GRIN2B: variants seen among roughly 807,000 people sequenced by gnomAD.
The protein encoded by GRIN2B is glutamate receptor ionotropic, NMDA 2B.
Under a neutral mutation model 114.5 loss-of-function variants are expected in GRIN2B, and 5 were observed. The ratio of observed to expected loss-of-function variants is 0.04; its 90% CI spans 0.02 to 0.09. GRIN2B has a LOEUF of 0.09. Among genes scored for constraint, GRIN2B ranks in the 10% least tolerant of loss-of-function variants. The pLI, the probability that GRIN2B is intolerant of heterozygous loss-of-function variation, is 1.00. For synonymous variants in GRIN2B, 787 were observed against 745.1 expected, an observed-to-expected ratio of 1.06 and a Z score of -0.92; for missense variants, 1,108 against 1,943.5, an observed-to-expected ratio of 0.57 and a Z score of 8.08.
chr12:13,809,857 AT>A (rs1262962510), intron 3 of GRIN2B, among the ~76,000 whole-genome samples: 2 of 152,060 alleles, frequency 1.3e-5, no homozygotes, highest in Non-Finnish European at 2.9e-5. Flanking sequence ...AAGTTCTCCA[AT>A]TTTTTTCTAC....
At chr12:13,913,873 G>C (rs1390252566) in intron 2 of GRIN2B, among the ~76,000 whole-genome samples, 1 of 152,128 alleles carries the variant, frequency 6.6e-6, no homozygotes, top group East Asian at 1.9e-4. Flanking sequence ...CTATAAAATA[G>C]ACGTAACAGT....
intron 5 of GRIN2B, among the ~76,000 whole-genome samples, chr12:13,662,050 A>T (rs972817013): frequency 5.3e-5 from 8 of 152,172 alleles, no homozygotes; most frequent in Admixed American, 5.2e-4. Flanking sequence ...AAGCCAAAAG[A>T]TGCCATGCTC....
At chr12:13,695,360 A>G (rs182828214) in intron 4 of GRIN2B, among the ~76,000 whole-genome samples, 5 of 152,338 alleles carry the variant, frequency 3.3e-5, no homozygotes, top group Admixed American at 3.3e-4. Context: ...AGGAGAGGAA[A>G]ACCCCATGAA....
Position 13,616,665 on chromosome 12 carries a change from AG to A in GRIN2B, c.1126-9del. On this transcript the variant is annotated splice_polypyrimidine_tract_variant and intron_variant, in intron 5 of 13. Coordinates refer to ENST00000609686, the MANE Select transcript of GRIN2B (RefSeq NM_000834.5). ...GTCTTTCCACTTCCCCACCTGCACAAGGATGAACACAAGAATCAGAAACCAC... is the reference window on the plus strand; with the variant it reads ...GTCTTTCCACTTCCCCACCTGCACAAGATGAACACAAGAATCAGAAACCAC... 1 of 1,607,030 alleles carries A rather than the reference AG, an allele frequency of 6.2e-7. No individual in the cohort carries two copies. The highest frequency in any genetic ancestry group is 8.5e-7 in the Non-Finnish European group (1 of 1,173,562).
intron 2 of GRIN2B, among the ~76,000 whole-genome samples, chr12:13,972,734 G>A (rs117602304): frequency 3.9e-5 from 6 of 152,304 alleles, no homozygotes; most frequent in South Asian, 2.1e-4. Context: ...GGTGGTTGTC[G>A]AGGAGGACAC....
intron 3 of GRIN2B, among the ~76,000 whole-genome samples, chr12:13,831,650 T>C (rs1485750614): frequency 6.6e-6 from 1 of 152,206 alleles, no homozygotes; most frequent in Non-Finnish European, 1.5e-5. Flanking sequence ...GAGGCTCATG[T>C]GGGGGAGCCC....
At chr12:13,599,769 T>C (rs565028608) in intron 10 of GRIN2B, among the ~76,000 whole-genome samples, 1 of 152,290 alleles carries the variant, frequency 6.6e-6, no homozygotes, top group Non-Finnish European at 1.5e-5. Flanking sequence ...TGTAAATAGA[T>C]TTGAAATTTG....
chr12:13,695,286 C>A (rs796293053), intron 4 of GRIN2B, among the ~76,000 whole-genome samples: 2 of 152,176 alleles, frequency 1.3e-5, no homozygotes, highest in Non-Finnish European at 2.9e-5. Context: ...CAAACACTGG[C>A]CTGCCACTGT....
intron 3 of GRIN2B, among the ~76,000 whole-genome samples, chr12:13,819,234 TC>T (rs1864886706): frequency 1.3e-5 from 2 of 152,198 alleles, no homozygotes; most frequent in Admixed American, 1.3e-4. Flanking sequence ...AGGAGAGGCC[TC>T]AGGAGAAACC....
chr12:13,878,131 C>T (rs540482954), intron 2 of GRIN2B, among the ~76,000 whole-genome samples: 1 of 151,730 alleles, frequency 6.6e-6, no homozygotes, highest in South Asian at 2.1e-4. Context: ...GGGAAGCAGA[C>T]CTGTTTGGAC....
intron 4 of GRIN2B, among the ~76,000 whole-genome samples, chr12:13,733,609 T>A (rs1048090277): frequency 1.3e-5 from 2 of 152,154 alleles, no homozygotes; most frequent in East Asian, 3.9e-4. Flanking sequence ...GTTGTATACA[T>A]CCATGCAAGA....
At chr12:13,844,149 G>A (rs1865430648) in intron 3 of GRIN2B, among the ~76,000 whole-genome samples, 1 of 152,354 alleles carries the variant, frequency 6.6e-6, no homozygotes, top group Admixed American at 6.5e-5. Flanking sequence ...GGCTTTAATA[G>A]TGGCTCTTTT....
intron 2 of GRIN2B, among the ~76,000 whole-genome samples, chr12:13,951,648 C>G (rs1417548940): frequency 2.0e-5 from 3 of 152,158 alleles, no homozygotes; most frequent in Admixed American, 2.0e-4. Context: ...ACCACAGGCT[C>G]CCACACACAC....
chr12:13,674,688 T>C (rs1004243513), intron 5 of GRIN2B, among the ~76,000 whole-genome samples: 6 of 152,172 alleles, frequency 3.9e-5, no homozygotes, highest in African/African-American at 1.4e-4. Flanking sequence ...TCTCAGCCAA[T>C]TGGTCCATGG....
At chr12:13,882,892 A>T (rs564409953) in intron 2 of GRIN2B, among the ~76,000 whole-genome samples, 1 of 152,124 alleles carries the variant, frequency 6.6e-6, no homozygotes, top group East Asian at 1.9e-4. Context: ...CATCACCCCA[A>T]ATATTTCCGT....
At chr12:13,972,341 A>C (rs1862937252) in intron 2 of GRIN2B, among the ~76,000 whole-genome samples, 1 of 152,204 alleles carries the variant, frequency 6.6e-6, no homozygotes, top group Non-Finnish European at 1.5e-5. Flanking sequence ...TAGAAAATTG[A>C]GGTCCAGAGT....
chr12:13,887,355 C>A (rs760238608), intron 2 of GRIN2B, among the ~76,000 whole-genome samples: 9 of 151,850 alleles, frequency 5.9e-5, no homozygotes, highest in Non-Finnish European at 1.0e-4. Context: ...TATTTTAAAA[C>A]CCACCATTCA....
intron 2 of GRIN2B, among the ~76,000 whole-genome samples, chr12:13,953,562 G>A (rs2136851398): frequency 6.6e-6 from 1 of 152,324 alleles, no homozygotes; most frequent in South Asian, 2.1e-4. Context: ...ATTCTGGCTA[G>A]GATTTACCAA....
Position 13,596,423 on chromosome 12 carries a change from C to A in GRIN2B, c.2010+12180G>T, listed in dbSNP as rs562438419. On this transcript the variant is annotated intron_variant, in intron 10 of 13. Transcript: ENST00000609686. ...ATAGCCTTAAGCTACTCATGGTCTT[C>A]TTGTCACAAGTACTTCAGAAACTAA... 3.3e-5 allele frequency among the ~76,000 whole-genome samples: 5 copies of A among 152,324 alleles called. No homozygotes were observed. In the East Asian group the frequency reaches 9.7e-4, roughly 29 times the overall value.
Sources: allele counts gnomAD v4.1 joint callset (sites outside exome capture counted in the v4.1 genomes callset), GRCh38; gene constraint gnomAD v4.1.1; transcripts MANE v1.5; gene names NCBI Gene and HGNC (gene_info 2026-07-23, HGNC 2026-07-21).